Variants in SLC2A9 observed in about 807,000 individuals in gnomAD.
The protein encoded by SLC2A9 is solute carrier family 2, facilitated glucose transporter member 9.
Under a neutral mutation model 50.6 loss-of-function variants are expected in SLC2A9, and 39 were observed. The ratio of observed to expected loss-of-function variants is 0.77; its 90% CI spans 0.60 to 1.01. The LOEUF is 1.01. Among genes scored for constraint, SLC2A9 ranks in the 50% least tolerant of loss-of-function variants. SLC2A9 has a pLI of 0.00. For synonymous variants in SLC2A9, 324 were observed against 276.9 expected (o/e 1.17, Z -1.69); for missense variants, 686 against 677.6 (o/e 1.01, Z -0.14).
intron 1 of SLC2A9, among the ~76,000 whole-genome samples, chr4:9,773,025 G>T (rs1442542640): frequency 6.6e-6 from 1 of 152,132 alleles, no homozygotes. Flanking sequence ...TATGAACCCA[G>T]GACTGTCTCG....
chr4:9,785,193 C>T (rs1719062939), intron 3 of SLC2A9, among the ~76,000 whole-genome samples: 1 of 152,152 alleles, frequency 6.6e-6, no homozygotes, highest in Admixed American at 6.5e-5. Context: ...ATTAACCTTT[C>T]TGGGCCTCAT....
At chr4:9,994,183 T>A (rs949959916) in intron 3 of SLC2A9, among the ~76,000 whole-genome samples, 1 of 152,240 alleles carries the variant, frequency 6.6e-6, no homozygotes, top group African/African-American at 2.4e-5. Flanking sequence ...TTCAACTCCA[T>A]TTTGAAACCT....
chr4:10,019,426 C>T (rs999982829), intron 1 of SLC2A9: 5 of 377,972 alleles, frequency 1.3e-5, no homozygotes, highest in Admixed American at 4.0e-5. Context: ...AAAGCAAAGC[C>T]AGACTCCAAG....
rs983089181 is a variant in SLC2A9, at chr4:10,018,984, G to T, written c.240C>A (p.Ala80=). ...LYGYNLSVVN[A]PTPYIKAFYN... ...CTTGGCGCGCACTCACCGGGGTGGG[G>T]GCATTCACCACCGACAGGTTGTAGC... The change falls in exon 2 of 12, where the codon GCC becomes GCA. Residue 80 remains alanine, a synonymous_variant. Coordinates refer to ENST00000264784, the MANE Select transcript of SLC2A9 (RefSeq NM_020041.3). The T allele has an allele frequency of 2.7e-5, 42 of 1,549,872 alleles. No individual in the cohort carries two copies. Among genetic ancestry groups the T allele is most frequent in the Non-Finnish European group, 3.7e-5 (42 of 1,146,886 alleles).
At chr4:9,782,267 A>C in intron 3 of SLC2A9, 1 of 1,613,932 alleles carries the variant, frequency 6.2e-7, no homozygotes, top group Non-Finnish European at 8.5e-7. Flanking sequence ...CAACGTCTTC[A>C]TCGTGTCTCT....
intron 11 of SLC2A9, among the ~76,000 whole-genome samples, chr4:9,829,591 T>C (rs192801105): frequency 2.2e-4 from 34 of 151,902 alleles, no homozygotes; most frequent in Non-Finnish European, 4.4e-5. Flanking sequence ...ACCTACACAA[T>C]GAGAGAAAGT....
chr4:9,900,184 C>T (rs1353860170), intron 8 of SLC2A9, among the ~76,000 whole-genome samples: 2 of 152,132 alleles, frequency 1.3e-5, no homozygotes, highest in East Asian at 1.9e-4. Flanking sequence ...GGAACAGCCG[C>T]CACTTAGAAC....
intron 6 of SLC2A9, among the ~76,000 whole-genome samples, chr4:9,935,051 C>G (rs1025210668): frequency 4.6e-5 from 7 of 152,190 alleles, no homozygotes; most frequent in African/African-American, 1.7e-4. Context: ...TTCATCCAGT[C>G]TATCATTGAT....
In SLC2A9 at chr4:9,791,741, TC is replaced by T. The variant is rs528684395; in HGVS notation, n.386-11677del. 3.3e-3 allele frequency among the ~76,000 whole-genome samples: 501 copies of T among 152,134 alleles called. 4 individuals are homozygous for T. Among genetic ancestry groups the T allele is most frequent in the African/African-American group, 0.011 (474 of 41,476 alleles). ...CATGAGGGAGCTTGGAAAGGAAGCG[TC>T]CCTCAGTTGAGCCTTCAGATGAGAC... On this transcript the variant is annotated intron_variant and non_coding_transcript_variant, in intron 3 of 3. Transcript: ENST00000503803.
At chr4:9,946,768 C>G (rs1749253861) in intron 5 of SLC2A9, among the ~76,000 whole-genome samples, 1 of 152,164 alleles carries the variant, frequency 6.6e-6, no homozygotes, top group Non-Finnish European at 1.5e-5. Flanking sequence ...TAAATACAAC[C>G]TTGATCTTTG....
At chr4:9,865,132 C>T (rs536769853) in intron 10 of SLC2A9, among the ~76,000 whole-genome samples, 2 of 152,248 alleles carry the variant, frequency 1.3e-5, no homozygotes, top group African/African-American at 2.4e-5. Flanking sequence ...CAGGTTAGAA[C>T]AGCGGTTCAT....
intron 10 of SLC2A9, among the ~76,000 whole-genome samples, chr4:9,857,094 C>T (rs544750647): frequency 6.6e-6 from 1 of 152,058 alleles, no homozygotes; most frequent in Non-Finnish European, 1.5e-5. Context: ...TGCACATGTA[C>T]CCCTGAAACG....
chr4:9,894,629 G>C (rs1315649660), intron 8 of SLC2A9, among the ~76,000 whole-genome samples: 1 of 152,152 alleles, frequency 6.6e-6, no homozygotes, highest in Non-Finnish European at 1.5e-5. Flanking sequence ...TTTCATAACT[G>C]TGTAAAATAT....
intron 5 of SLC2A9, among the ~76,000 whole-genome samples, chr4:9,979,200 C>A (rs1356092147): frequency 1.3e-5 from 2 of 152,174 alleles, no homozygotes; most frequent in African/African-American, 4.8e-5. Flanking sequence ...TTTGTGAGAG[C>A]TCTGTCCCTT....
intron 3 of SLC2A9, among the ~76,000 whole-genome samples, chr4:9,819,450 T>C (rs1724101132): frequency 6.6e-6 from 1 of 152,260 alleles, no homozygotes; most frequent in African/African-American, 2.4e-5. Context: ...CCTTTCTTCA[T>C]GCTTATTTGC....
intron 3 of SLC2A9, among the ~76,000 whole-genome samples, chr4:9,790,006 C>T (rs1342638923): frequency 1.3e-5 from 2 of 152,106 alleles, no homozygotes; most frequent in African/African-American, 2.4e-5. Flanking sequence ...GCAATCATTG[C>T]AATATTCTTG....
At chr4:9,884,823 G>A (rs1026874346) in intron 10 of SLC2A9, among the ~76,000 whole-genome samples, 4 of 152,092 alleles carry the variant, frequency 2.6e-5, no homozygotes, top group African/African-American at 4.8e-5. Flanking sequence ...TATGTACCAC[G>A]GAATACTACA....
intron 6 of SLC2A9, among the ~76,000 whole-genome samples, chr4:9,938,021 C>T (rs771948896): frequency 6.6e-6 from 1 of 152,166 alleles, no homozygotes; most frequent in Admixed American, 6.5e-5. Context: ...CTTTGTTCCC[C>T]CCCGAACATT....
chr4:10,025,247 C>T (rs866085326), upstream of SLC2A9, among the ~76,000 whole-genome samples: 11 of 152,216 alleles, frequency 7.2e-5, no homozygotes, highest in African/African-American at 2.2e-4. Flanking sequence ...TTAAGAAGGG[C>T]TCAAACCTGT....
Sources: gnomAD v4.1 joint callset for allele counts (sites outside exome capture counted in the v4.1 genomes callset) on GRCh38, gnomAD v4.1.1 for gene constraint, MANE v1.5 for transcripts, NCBI Gene and HGNC (gene_info 2026-07-23, HGNC 2026-07-21) for gene names.